GALNT9: variants seen among roughly 807,000 people sequenced by gnomAD.
GALNT9 encodes the protein GalNAc transferase 9.
GALNT9 carries 47 observed loss-of-function variants against 63.1 expected under a neutral mutation model. The observed-to-expected ratio is 0.75, with a 90% CI of 0.59 to 0.95. The LOEUF (loss-of-function observed/expected upper bound fraction) is 0.95. Ranked by LOEUF, GALNT9 falls within the 40% of genes least tolerant of loss-of-function variation. The pLI is 0.00. For missense variants in GALNT9, 829 were observed against 874.8 expected (o/e 0.95, Z 0.66); for synonymous variants, 396 against 365.7 (o/e 1.08, Z -0.94).
At chr12:132,247,220 GC>G (rs1421357724) in intron 6 of GALNT9, among the ~76,000 whole-genome samples, 2 of 152,104 alleles carry the variant, frequency 1.3e-5, no homozygotes, top group Non-Finnish European at 2.9e-5. Context: ...GGAGGCAGAA[GC>G]CCGGCCGAGC....
intron 6 of GALNT9, among the ~76,000 whole-genome samples, chr12:132,222,991 C>T (rs1877523531): frequency 7.0e-6 from 1 of 142,268 alleles, no homozygotes. Context: ...CAACCCACAC[C>T]CCACATACAC....
rs148033913 is a variant in GALNT9 at position 132,239,439 on chromosome 12, G to A, written c.1077+8471C>T. 4.1e-3 allele frequency among the ~76,000 whole-genome samples: 623 copies of A among 151,276 alleles called. 18 individuals carry two copies. In the East Asian group the frequency reaches 0.06, roughly 15 times the overall value. On this transcript the variant is annotated intron_variant, in intron 6 of 10. Coordinates refer to ENST00000328957, the MANE Select transcript of GALNT9 (RefSeq NM_001122636.2). ...AGAGACTGAGAGACAGAGAGACAGA[G>A]TCAGAGACAGAGAGGCAGAGAGAGA...
In GALNT9 at chr12:132,295,430, A is replaced by T. The variant is rs1212615036; in HGVS notation, c.239-9000T>A. Among the ~76,000 whole-genome samples the T allele has an allele frequency of 6.3e-3, 964 of 152,370 alleles. 10 individuals carry two copies. Among genetic ancestry groups the T allele is most frequent in the African/African-American group, 0.022 (917 of 41,578 alleles). On this transcript the variant is annotated intron_variant, in intron 1 of 10. Transcript: ENST00000328957. Reference sequence around the variant, plus strand: ...GAGTCCCAGCCCTGGGGACCTGTGAACAGGATCTTATCTGGAAACGGTCTT... The same window carrying T: ...GAGTCCCAGCCCTGGGGACCTGTGATCAGGATCTTATCTGGAAACGGTCTT...
chr12:132,318,938 A>T (rs1156953599), intron 1 of GALNT9, among the ~76,000 whole-genome samples: 5 of 152,170 alleles, frequency 3.3e-5, no homozygotes, highest in Non-Finnish European at 7.4e-5. Context: ...GTGTCCCCAG[A>T]CATCCCTGCG....
chr12:132,233,348 AGCGTG>A, intron 6 of GALNT9, among the ~76,000 whole-genome samples: 1 of 18,852 alleles, frequency 5.3e-5, no homozygotes, highest in African/African-American at 3.3e-4. Context: ...CAGAGGAGAC[AGCGTG>A]GAGCCCCTAG....
chr12:132,240,159 G>A (rs1252352428), intron 6 of GALNT9, among the ~76,000 whole-genome samples: 4 of 152,196 alleles, frequency 2.6e-5, no homozygotes, highest in African/African-American at 4.8e-5. Context: ...GAGAACAAGC[G>A]TATTTAGGGG....
Position 132,286,165 on chromosome 12 carries a change from G to A in GALNT9, c.419+85C>T, listed in dbSNP as rs1204142300. 6 of 1,395,272 alleles carry A rather than the reference G, an allele frequency of 4.3e-6. No homozygotes were observed. Among genetic ancestry groups the A allele is most frequent in the Non-Finnish European group, 5.7e-6 (6 of 1,055,926 alleles). The allele number at this position is 1,395,272 out of a possible 1,614,324, so 86.4% of individuals were successfully genotyped here. A position where few individuals can be genotyped will look rare whatever the true frequency, so the allele number is the denominator to read the frequency against. Reference sequence around the variant, plus strand: ...GGCCGCTCACTTCCCCGGCCGGCGTGGGGGGCAGTCACTTCCCTGGCCAGT... The same window carrying A: ...GGCCGCTCACTTCCCCGGCCGGCGTAGGGGGCAGTCACTTCCCTGGCCAGT... On this transcript the variant is annotated intron_variant, in intron 2 of 10. Coordinates refer to ENST00000328957, the MANE Select transcript of GALNT9 (RefSeq NM_001122636.2). The surrounding 1 kb of genome is among the most constrained non-coding windows in gnomAD (Gnocchi z 7.4).
At chr12:132,287,686 G>A (rs1273797253) in intron 1 of GALNT9, among the ~76,000 whole-genome samples, 3 of 152,190 alleles carry the variant, frequency 2.0e-5, no homozygotes, top group African/African-American at 7.2e-5. Context: ...GAAAGGAGCC[G>A]GTGGAACTTC....
intron 1 of GALNT9, among the ~76,000 whole-genome samples, chr12:132,287,804 C>T (rs1555242350): frequency 1.3e-5 from 2 of 151,942 alleles, no homozygotes; most frequent in African/African-American, 4.8e-5. Flanking sequence ...GGCAAGCAGA[C>T]GCGGCTTGGA....
chr12:132,268,417 A>C (rs868970012), intron 2 of GALNT9, among the ~76,000 whole-genome samples: 17 of 152,222 alleles, frequency 1.1e-4, no homozygotes, highest in African/African-American at 4.1e-4. Flanking sequence ...CATTGACCTA[A>C]ATGTAAACCC....
At chr12:132,207,536 C>A (rs1209257220) in intron 6 of GALNT9, among the ~76,000 whole-genome samples, 2 of 152,178 alleles carry the variant, frequency 1.3e-5, no homozygotes, top group African/African-American at 4.8e-5. Flanking sequence ...GCGGGTGGTG[C>A]CGAGGCCCCT....
rs557239606 is a variant in GALNT9 at position 132,299,445 on chromosome 12, C to G, written c.239-13015G>C. Among the ~76,000 whole-genome samples the G allele has an allele frequency of 3.6e-3, 498 of 139,568 alleles. 8 individuals are homozygous for G. Among genetic ancestry groups the G allele is most frequent in the African/African-American group, 0.013 (468 of 37,092 alleles). The allele number at this position is 139,568 out of a possible 152,430, so 91.6% of individuals were successfully genotyped here. A position where few individuals can be genotyped will look rare whatever the true frequency, so the allele number is the denominator to read the frequency against. On this transcript the variant is annotated intron_variant, in intron 1 of 10. Coordinates refer to ENST00000328957, the MANE Select transcript of GALNT9 (RefSeq NM_001122636.2). ...ATAACTCACTCCCATAACTAACCCA[C>G]TCCCACCACACCTAACCCACCCCTG...
chr12:132,259,477 G>A (rs565110092), intron 4 of GALNT9, among the ~76,000 whole-genome samples: 30 of 152,350 alleles, frequency 2.0e-4, no homozygotes, highest in Admixed American at 3.9e-4. Flanking sequence ...AGCGCCCTGC[G>A]GAGGAGCGAG....
At chr12:132,300,782 A>G (rs1881266041) in intron 1 of GALNT9, among the ~76,000 whole-genome samples, 1 of 139,948 alleles carries the variant, frequency 7.1e-6, no homozygotes, top group South Asian at 2.3e-4. Flanking sequence ...TAACTAACCC[A>G]CTCCCACCAC....
intron 2 of GALNT9, chr12:132,276,207 C>G (rs563418118): frequency 6.5e-6 from 1 of 154,442 alleles, no homozygotes; most frequent in African/African-American, 2.4e-5. Context: ...GGGTCCCACT[C>G]CCCCTGAGAC....
chr12:132,286,370 GCCAA>G lies in GALNT9; in HGVS notation c.295_298del (p.Leu99ArgfsTer45). 1.3e-6 allele frequency: 2 copies of G among 1,550,824 alleles called. No individual in the cohort carries two copies. The highest frequency in any genetic ancestry group is 1.7e-6 in the Non-Finnish European group (2 of 1,146,834). ...CTGGCCGTCATCACGCAGGGTGGCCGCCAAGCCACCCTGGCCCAGGCCTCCTGGC... is the reference window on the plus strand; with the variant it reads ...CTGGCCGTCATCACGCAGGGTGGCCGGCCACCCTGGCCCAGGCCTCCTGGC... On this transcript the variant is annotated frameshift_variant, in exon 2 of 11. Transcript: ENST00000328957. LOFTEE classifies it high-confidence loss of function. The surrounding 1 kb of genome is among the most constrained non-coding windows in gnomAD (Gnocchi z 7.4).
chr12:132,197,278 A>G, intron 10 of GALNT9, 25 bp from the exon 11 acceptor site: 1 of 1,606,886 alleles, frequency 6.2e-7, no homozygotes, highest in South Asian at 1.1e-5. Flanking sequence ...ACATCAAGTC[A>G]GCCAGGTGCA....
rs185944218 is a variant in GALNT9, at chr12:132,260,276, A to G, written c.761+672T>C. ...TAAGGGCCTGGAGCCTCTGGGGGAAACTCGGCCCTGCCCACACCTTGGAGT... is the reference window on the plus strand; with the variant it reads ...TAAGGGCCTGGAGCCTCTGGGGGAAGCTCGGCCCTGCCCACACCTTGGAGT... On this transcript the variant is annotated intron_variant, in intron 4 of 10. Coordinates refer to ENST00000328957, the MANE Select transcript of GALNT9 (RefSeq NM_001122636.2). Among the ~76,000 whole-genome samples the G allele has an allele frequency of 9.2e-5, 14 of 151,974 alleles. No homozygotes were observed. In the East Asian group the frequency reaches 2.7e-3, roughly 29 times the overall value.
At chr12:132,270,659 G>A (rs1555240640) in intron 2 of GALNT9, among the ~76,000 whole-genome samples, 5 of 152,170 alleles carry the variant, frequency 3.3e-5, no homozygotes, top group South Asian at 2.1e-4. Flanking sequence ...GTCATCTCCC[G>A]GCCAGAGCCC....
Sources: gnomAD v4.1 joint callset for allele counts (sites outside exome capture counted in the v4.1 genomes callset) on GRCh38, gnomAD v4.1.1 for gene constraint, Gnocchi (gnomAD v3.1) non-coding constraint, MANE v1.5 for transcripts, NCBI Gene and HGNC (gene_info 2026-07-23, HGNC 2026-07-21) for gene names.